RYR1: variants seen among roughly 807,000 people sequenced by gnomAD.
The protein encoded by RYR1 is central core disease of muscle.
Under a neutral mutation model 583.5 loss-of-function variants are expected in RYR1, and 342 were observed. That is an observed-to-expected ratio of 0.59 (90% CI 0.54 to 0.64). The LOEUF (loss-of-function observed/expected upper bound fraction) is 0.64. Among genes scored for constraint, RYR1 ranks in the 30% least tolerant of loss-of-function variants. The pLI, the probability that RYR1 is intolerant of heterozygous loss-of-function variation, is 0.00. For missense variants in RYR1, 6,032 were observed against 6,917.2 expected (o/e 0.87, Z 4.54); for synonymous variants, 2,791 against 2,822.5 (o/e 0.99, Z 0.35).
In RYR1 at chr19:38,466,411, C is replaced by T. The variant is rs566822726; in HGVS notation, c.3178+13C>T. 9.1e-6 allele frequency: 14 copies of T among 1,540,872 alleles called. No homozygotes were observed. The highest frequency in any genetic ancestry group is 8.2e-5 in the African/African-American group (6 of 73,064). ...GACCAGGAGCCCAGTGAGTGCTCAC[C>T]CCTGGCCCTGGCCCTGACTCCTACC... is the stretch of plus-strand genomic sequence containing the variant. On this transcript the variant is annotated intron_variant, in intron 24 of 105. Transcript: ENST00000359596.
rs1002521665 is a variant in RYR1, at chr19:38,540,312, C to CA, written c.11689+2366dup. ...CAACATAAGGAGACCCTGTCTCTAC[C>CA]AAAAAAAAAAAAAATCATATACTAC... On this transcript the variant is annotated intron_variant, in intron 84 of 105. Coordinates refer to ENST00000359596, the MANE Select transcript of RYR1 (RefSeq NM_000540.3). Among the ~76,000 whole-genome samples the CA allele has an allele frequency of 4.5e-3, 593 of 130,526 alleles. 4 individuals carry two copies. The highest frequency in any genetic ancestry group is 0.031 in the Middle Eastern group (8 of 256). 85.6% of individuals were successfully genotyped at this position (130,526 alleles called of 152,430 possible). A position where few individuals can be genotyped will look rare whatever the true frequency, so the allele number is the denominator to read the frequency against.
intron 96 of RYR1, 47 bp from the exon 97 acceptor site, chr19:38,575,872 C>G (rs746242398): frequency 6.2e-7 from 1 of 1,605,816 alleles, no homozygotes. Context: ...TCTGATCCCT[C>G]TGGCCCTAAC....
chr19:38,445,574 T>G (rs898169083), intron 7 of RYR1, among the ~76,000 whole-genome samples: 1 of 152,046 alleles, frequency 6.6e-6, no homozygotes, highest in Non-Finnish European at 1.5e-5. Context: ...AAACTCAGAC[T>G]CATCAACTTC....
chr19:38,507,069 A>G, intron 57 of RYR1, 117 bp downstream of exon 57: 12 of 1,514,846 alleles, frequency 7.9e-6, no homozygotes, highest in Non-Finnish European at 9.9e-6. Flanking sequence ...AGGAGCAAAG[A>G]TGGAACCAGA....
intron 90 of RYR1, 23 bp from the exon 91 acceptor site, chr19:38,564,936 C>T: frequency 6.4e-7 from 1 of 1,562,134 alleles, no homozygotes; most frequent in Non-Finnish European, 8.7e-7. Flanking sequence ...GCGCCCTATC[C>T]TGTCTGCCGC....
chr19:38,508,961 T>C (rs931872546), intron 58 of RYR1, among the ~76,000 whole-genome samples: 3 of 152,150 alleles, frequency 2.0e-5, no homozygotes, highest in African/African-American at 7.2e-5. Context: ...TTTTGAAGGC[T>C]GAGGCTGCTG....
intron 82 of RYR1, 77 bp from the exon 83 acceptor site, chr19:38,536,673 G>A: frequency 6.6e-7 from 1 of 1,524,414 alleles, no homozygotes; most frequent in East Asian, 2.3e-5. Flanking sequence ...CTGTCATTGT[G>A]TGTGTTTGCG....
intron 95 of RYR1, among the ~76,000 whole-genome samples, chr19:38,572,747 G>A (rs1436427131): frequency 6.6e-6 from 1 of 151,600 alleles, no homozygotes; most frequent in East Asian, 1.9e-4. Context: ...ATCCTGGCCC[G>A]ATCCCTCTGC....
At position 38,505,866 on chromosome 19, in the gene RYR1, T is replaced by C; in HGVS notation, c.8461T>C (p.Trp2821Arg). 6.2e-7 allele frequency: 1 copy of C among 1,613,846 alleles called. No individual in the cohort carries two copies. Among genetic ancestry groups the C allele is most frequent in the Non-Finnish European group, 8.5e-7 (1 of 1,180,006 alleles). Residue 2821 changes from tryptophan (W) to arginine (R), a missense_variant, in exon 54 of 106, where the codon TGG (tryptophan) becomes CGG (arginine). Coordinates refer to ENST00000359596, the MANE Select transcript of RYR1 (RefSeq NM_000540.3). ...ESLKAMIAWE[W>R]TIEKAREGEE... ...CCTGAAGGCCATGATTGCCTGGGAA[T>C]GGACGATAGAGAAGGCCAGGGAGGG... is the stretch of plus-strand genomic sequence containing the variant.
At chr19:38,457,699 C>T (rs1967492833) in intron 17 of RYR1, 69 bp downstream of exon 17, 1 of 1,501,694 alleles carries the variant, frequency 6.7e-7, no homozygotes, top group South Asian at 1.1e-5. Flanking sequence ...AGAGACTCCA[C>T]ACCCAGATGG....
At chr19:38,455,897 A>C in intron 16 of RYR1, 146 bp downstream of exon 16, 1 of 636,838 alleles carries the variant, frequency 1.6e-6, no homozygotes, top group Non-Finnish European at 2.9e-6. Context: ...TCATCTCCAC[A>C]CAGGGGTCTC....
At chr19:38,542,465 C>A (rs1312858026) in intron 84 of RYR1, among the ~76,000 whole-genome samples, 1 of 152,082 alleles carries the variant, frequency 6.6e-6, no homozygotes, top group Non-Finnish European at 1.5e-5. Flanking sequence ...AAATGACGCT[C>A]CACCACATTT....
At chr19:38,575,866 A>C in intron 96 of RYR1, 53 bp from the exon 97 acceptor site, 5 of 1,578,662 alleles carry the variant, frequency 3.2e-6, no homozygotes, top group East Asian at 2.2e-5. Context: ...GACAGCTCTG[A>C]TCCCTCTGGC....
intron 58 of RYR1, among the ~76,000 whole-genome samples, chr19:38,509,205 G>A (rs1970613536): frequency 6.6e-6 from 1 of 151,968 alleles, no homozygotes; most frequent in African/African-American, 2.4e-5. Flanking sequence ...TCCCTCTCTA[G>A]ACCTCAGTTT....
rs182547866 is a variant in RYR1 at position 38,470,897 on chromosome 19, G to A, written c.3765+1384G>A. 1.1e-4 allele frequency among the ~76,000 whole-genome samples: 17 copies of A among 152,302 alleles called. No homozygotes were observed. In the East Asian group the frequency reaches 3.1e-3, roughly 28 times the overall value. On this transcript the variant is annotated intron_variant, in intron 27 of 105. Coordinates refer to ENST00000359596, the MANE Select transcript of RYR1 (RefSeq NM_000540.3). ...GAAGGATCCTAGAGGTGGCTGGGAC[G>A]GGGCAGTACTGCAGAGTGGACGCAG...
chr19:38,453,146 C>T lies in RYR1; in HGVS notation c.1440+132C>T, dbSNP rs1044990690. ...AGTAGGGTCTGAGAAGGGGGCGGGG[C>T]AGGAGAAGGAGCCGGACAGGAACCC... On this transcript the variant is annotated intron_variant, in intron 13 of 105. Transcript: ENST00000359596. 4 of 921,956 alleles carry T rather than the reference C, an allele frequency of 4.3e-6. No individual in the cohort carries two copies. In the South Asian group the frequency reaches 4.8e-5, roughly 11 times the overall value. 57.1% of individuals were successfully genotyped at this position (921,956 alleles called of 1,614,324 possible).
At chr19:38,517,757 C>A in intron 66 of RYR1, 66 bp downstream of exon 66, 1 of 1,481,516 alleles carries the variant, frequency 6.7e-7, no homozygotes, top group Non-Finnish European at 9.4e-7. Flanking sequence ...GGCAGATGGT[C>A]TGAAAGGGAG....
intron 4 of RYR1, 27 bp downstream of exon 4, chr19:38,443,659 C>A (rs777354445): frequency 6.2e-7 from 1 of 1,613,858 alleles, no homozygotes; most frequent in Non-Finnish European, 8.5e-7. Context: ...TGGGCGTGGG[C>A]AGGGGCCAGG....
rs544782256 is a variant in RYR1, at chr19:38,538,276, T to C, written c.11689+316T>C. 2.6e-5 allele frequency among the ~76,000 whole-genome samples: 4 copies of C among 152,202 alleles called. No homozygotes were observed. In the South Asian group the frequency reaches 8.3e-4, roughly 32 times the overall value. ...ATAGCAGGGCGTGGTGGCACATGCT[T>C]GTAGTCCCAGCTACTCAGGAGGCTG... On this transcript the variant is annotated intron_variant, in intron 84 of 105. Coordinates refer to ENST00000359596, the MANE Select transcript of RYR1 (RefSeq NM_000540.3).
Sources: allele counts gnomAD v4.1 joint callset (sites outside exome capture counted in the v4.1 genomes callset), GRCh38; gene constraint gnomAD v4.1.1; transcripts MANE v1.5; gene names NCBI Gene and HGNC (gene_info 2026-07-23, HGNC 2026-07-21).